GPD2: variants seen among roughly 807,000 people sequenced by gnomAD.
GPD2 encodes the protein glycerol-3-phosphate dehydrogenase, mitochondrial.
In GPD2, 54 loss-of-function variants were observed where a neutral mutation model predicts 82.4. The ratio of observed to expected loss-of-function variants is 0.66; its 90% CI spans 0.53 to 0.82. The LOEUF is 0.82. GPD2 is among the 40% of genes least tolerant of loss of function. The pLI is 0.00. For synonymous variants in GPD2, 288 were observed against 306.1 expected, an observed-to-expected ratio of 0.94 and a Z score of 0.62; for missense variants, 748 against 896.2, an observed-to-expected ratio of 0.83 and a Z score of 2.11.
At chr2:156,485,096 C>T (rs1683890931) in intron 2 of GPD2, among the ~76,000 whole-genome samples, 1 of 152,180 alleles carries the variant, frequency 6.6e-6, no homozygotes, top group Admixed American at 6.5e-5. Context: ...TCAGGACTTC[C>T]TTCTTCTTCT....
chr2:156,501,792 G>A (rs569526989), intron 3 of GPD2: 38 of 169,270 alleles, frequency 2.2e-4, no homozygotes, highest in Non-Finnish European at 4.1e-4. Context: ...CAGGGTCAGC[G>A]GAATCGACTT....
At chr2:156,494,073 G>T (rs1308104691) in intron 2 of GPD2, among the ~76,000 whole-genome samples, 1 of 151,866 alleles carries the variant, frequency 6.6e-6, no homozygotes, top group Non-Finnish European at 1.5e-5. Context: ...TGTATATAAA[G>T]GTAAAAAATA....
chr2:156,569,808 A>G (rs1311753471), intron 11 of GPD2, among the ~76,000 whole-genome samples: 1 of 152,124 alleles, frequency 6.6e-6, no homozygotes, highest in Non-Finnish European at 1.5e-5. Flanking sequence ...TGTCTCAGGC[A>G]TGAAGAAGGC....
chr2:156,416,141 A>G, the GPD2 span, among the ~76,000 whole-genome samples: 2 of 151,754 alleles, frequency 1.3e-5, no homozygotes, highest in African/African-American at 2.4e-5. Flanking sequence ...TCTATCATAT[A>G]TGTATATACC....
chr2:156,460,963 A>G (rs189345588), intron 1 of GPD2, among the ~76,000 whole-genome samples: 35 of 152,146 alleles, frequency 2.3e-4, no homozygotes, highest in Non-Finnish European at 4.3e-4. Context: ...CTATACTTGC[A>G]TCTACTCATT....
the GPD2 span, among the ~76,000 whole-genome samples, chr2:156,420,283 T>C: frequency 6.6e-6 from 1 of 152,298 alleles, no homozygotes; most frequent in African/African-American, 2.4e-5. Flanking sequence ...GCAATTCTCC[T>C]GCCTCAGCCT....
the GPD2 span, among the ~76,000 whole-genome samples, chr2:156,424,925 C>T: frequency 6.6e-6 from 1 of 152,050 alleles, no homozygotes; most frequent in Admixed American, 6.6e-5. Context: ...TCATCTACCT[C>T]TAAATTCAAT....
chr2:156,556,068 T>A (rs1170399431), intron 8 of GPD2, among the ~76,000 whole-genome samples: 1 of 152,186 alleles, frequency 6.6e-6, no homozygotes, highest in African/African-American at 2.4e-5. Context: ...TTTTTTTATA[T>A]AAAATATTAT....
At chr2:156,434,686 T>TC (rs1302761736), upstream of GPD2, among the ~76,000 whole-genome samples, 2 of 152,196 alleles carry the variant, frequency 1.3e-5, no homozygotes, top group Non-Finnish European at 2.9e-5. Context: ...GAACTATTTT[T>TC]CTTTTCTCAA....
Position 156,482,857 on chromosome 2 carries a change from C to T in GPD2, c.102+6650C>T, listed in dbSNP as rs532067406. Among the ~76,000 whole-genome samples, 60 of 152,164 alleles carry T rather than the reference C, an allele frequency of 3.9e-4. 1 individual carries two copies. Among genetic ancestry groups the T allele is most frequent in the Middle Eastern group, 6.8e-3 (2 of 294 alleles). On this transcript the variant is annotated intron_variant, in intron 2 of 16. Transcript: ENST00000438166. ...GTGATGTGTTAGGTGAGTTGAAATA[C>T]AGGTAAGCCTATACTACCTTTGTTA...
Position 156,568,830 on chromosome 2 carries a change from A to G in GPD2, c.1171A>G (p.Arg391Gly), listed in dbSNP as rs1279553171. 1.2e-6 allele frequency: 2 copies of G among 1,612,754 alleles called. No homozygotes were observed. Among genetic ancestry groups the G allele is most frequent in the Non-Finnish European group, 1.7e-6 (2 of 1,178,928 alleles). Residue 391 changes from arginine (R) to glycine (G), a missense_variant, in exon 10 of 17, where the codon AGA (arginine) becomes GGA (glycine). Coordinates refer to ENST00000438166, the MANE Select transcript of GPD2 (RefSeq NM_000408.5). ...TTGGCATTGATTCCTACCAGTGAGA[A>G]GAGGGGATGTCCTGGCAGCATGGAG... ...NYLSCDVEVR[R>G]GDVLAAWSGI...
intron 9 of GPD2, among the ~76,000 whole-genome samples, chr2:156,563,110 A>C (rs775718185): frequency 2.0e-5 from 3 of 152,180 alleles, no homozygotes; most frequent in Non-Finnish European, 1.5e-5. Context: ...CTAGAAACCT[A>C]CATGAAGCCT....
chr2:156,565,366 C>T (rs1687348749), intron 9 of GPD2, among the ~76,000 whole-genome samples: 1 of 152,078 alleles, frequency 6.6e-6, no homozygotes, highest in Non-Finnish European at 1.5e-5. Context: ...ACGATTAAAA[C>T]ACTTTTTACA....
intron 2 of GPD2, among the ~76,000 whole-genome samples, chr2:156,492,444 C>CT (rs79707384): frequency 0.028 from 3,723 of 131,728 alleles, 123 homozygotes; most frequent in African/African-American, 0.085. Flanking sequence ...TGCACCTGGC[C>CT]TTTTTTTTTT....
At chr2:156,464,815 G>T (rs1250139557) in intron 1 of GPD2, among the ~76,000 whole-genome samples, 1 of 151,928 alleles carries the variant, frequency 6.6e-6, no homozygotes, top group Admixed American at 6.6e-5. Context: ...ATATAATGCA[G>T]TTGCAACAGG....
chr2:156,425,229 G>C, the GPD2 span, among the ~76,000 whole-genome samples: 1 of 152,058 alleles, frequency 6.6e-6, no homozygotes, highest in South Asian at 2.1e-4. Context: ...CTCCTGCAGA[G>C]CTGGGATTAC....
the GPD2 span, among the ~76,000 whole-genome samples, chr2:156,406,518 T>C: frequency 3.3e-5 from 5 of 152,306 alleles, no homozygotes; most frequent in South Asian, 1.0e-3. Context: ...ACCTCAGATT[T>C]CCTCTGCCAT....
chr2:156,471,904 G>A (rs1479667681), intron 1 of GPD2, among the ~76,000 whole-genome samples: 3 of 152,194 alleles, frequency 2.0e-5, no homozygotes, highest in Non-Finnish European at 2.9e-5. Flanking sequence ...AGCACCATTT[G>A]TTTAGGTTTT....
intron 2 of GPD2, among the ~76,000 whole-genome samples, chr2:156,479,810 T>C (rs552782438): frequency 6.6e-6 from 1 of 152,188 alleles, no homozygotes; most frequent in Non-Finnish European, 1.5e-5. Flanking sequence ...TTCTTCATTT[T>C]CTTGTCCCCT....
Sources: gnomAD v4.1 joint callset for allele counts (sites outside exome capture counted in the v4.1 genomes callset) on GRCh38, gnomAD v4.1.1 for gene constraint, MANE v1.5 for transcripts, NCBI Gene and HGNC (gene_info 2026-07-23, HGNC 2026-07-21) for gene names.